The following LRBA variants were observed in gnomAD, a reference collection of about 807,000 sequenced individuals.
The protein encoded by LRBA is lipopolysaccharide-responsive and beige-like anchor protein.
LRBA carries 176 observed loss-of-function variants against 330.0 expected under a neutral mutation model. The observed-to-expected ratio is 0.53, with a 90% CI of 0.47 to 0.60. LRBA has a LOEUF of 0.60. LRBA is among the 20% of genes least tolerant of loss of function. The probability of loss-of-function intolerance (pLI) is 0.00; values close to 1 mark genes in which losing one functional copy is unlikely to be tolerated. For missense variants in LRBA, 3,259 were observed against 3,444.8 expected, an observed-to-expected ratio of 0.95 and a Z score of 1.35; for synonymous variants, 1,230 against 1,193.0, an observed-to-expected ratio of 1.03 and a Z score of -0.64.
chr4:150,328,646 G>A (rs1018991760), intron 48 of LRBA, among the ~76,000 whole-genome samples: 27 of 151,940 alleles, frequency 1.8e-4, no homozygotes, highest in African/African-American at 5.1e-4. Context: ...AAATACATGA[G>A]ACCCAGACAC....
At chr4:150,957,801 C>T (rs969975721) in intron 2 of LRBA, among the ~76,000 whole-genome samples, 1 of 149,064 alleles carries the variant, frequency 6.7e-6, no homozygotes, top group East Asian at 1.9e-4. Flanking sequence ...GCTACAGGTC[C>T]CGTGCAAGTC....
At chr4:150,277,143 AAACTGTCATTCTCAGC>A (rs1293196410) in intron 56 of LRBA, among the ~76,000 whole-genome samples, 1 of 152,166 alleles carries the variant, frequency 6.6e-6, no homozygotes, top group African/African-American at 2.4e-5. Flanking sequence ...ATGAAGCTGG[AAACTGTCATTCTCAGC>A]AAACTAACAC....
chr4:150,416,050 T>G (rs1198745823), intron 46 of LRBA, among the ~76,000 whole-genome samples: 3 of 152,134 alleles, frequency 2.0e-5, no homozygotes, highest in Non-Finnish European at 4.4e-5. Flanking sequence ...TTATTACAGT[T>G]TAGCCATGGT....
At chr4:150,411,659 G>T (rs1270232627) in intron 47 of LRBA, among the ~76,000 whole-genome samples, 2 of 152,140 alleles carry the variant, frequency 1.3e-5, no homozygotes, top group Non-Finnish European at 2.9e-5. Context: ...ATGAGAAGCC[G>T]AAGTATCGTC....
chr4:150,774,867 T>C lies in LRBA; in HGVS notation c.5581-13020A>G, dbSNP rs556541973. Reference sequence around the variant, plus strand: ...TTTTATGATTAAAGTTAGGTATTTGTTCACTTGATCTAGAACTTTTCTGCG... The same window carrying C: ...TTTTATGATTAAAGTTAGGTATTTGCTCACTTGATCTAGAACTTTTCTGCG... On this transcript the variant is annotated intron_variant, in intron 34 of 56. Coordinates refer to ENST00000651943, the MANE Select transcript of LRBA (RefSeq NM_001364905.1). Among the ~76,000 whole-genome samples, 60 of 152,334 alleles carry C rather than the reference T, an allele frequency of 3.9e-4. 1 individual carries two copies. Among genetic ancestry groups the C allele is most frequent in the Non-Finnish European group, 7.8e-4 (53 of 68,028 alleles).
chr4:150,755,856 G>A (rs1473479147), intron 35 of LRBA, among the ~76,000 whole-genome samples: 1 of 150,924 alleles, frequency 6.6e-6, no homozygotes, highest in Non-Finnish European at 1.5e-5. Context: ...TGGGCAACAT[G>A]GCAAAACCCC....
At chr4:150,808,573 AC>A (rs1418827288) in intron 31 of LRBA, among the ~76,000 whole-genome samples, 175 bp from the exon 32 acceptor site, 1 of 152,220 alleles carries the variant, frequency 6.6e-6, no homozygotes, top group African/African-American at 2.4e-5. Flanking sequence ...TCATATATAA[AC>A]CTCAGCTACA....
chr4:151,006,146 A>C (rs1163366594), intron 2 of LRBA, among the ~76,000 whole-genome samples: 4 of 152,160 alleles, frequency 2.6e-5, no homozygotes, highest in Admixed American at 2.0e-4. Flanking sequence ...GTTCGGGACC[A>C]GCCTGGCCAA....
chr4:150,366,296 G>A (rs1205283881), intron 47 of LRBA, among the ~76,000 whole-genome samples: 1 of 151,998 alleles, frequency 6.6e-6, no homozygotes, highest in Non-Finnish European at 1.5e-5. Context: ...CTGAATAAAG[G>A]ACATAACTGT....
intron 47 of LRBA, among the ~76,000 whole-genome samples, chr4:150,389,694 A>G (rs1743625961): frequency 6.6e-6 from 1 of 150,744 alleles, no homozygotes; most frequent in African/African-American, 2.4e-5. Context: ...AAAAAAAAAA[A>G]AAAGAAAGGA....
intron 36 of LRBA, among the ~76,000 whole-genome samples, chr4:150,733,354 T>C (rs891273270): frequency 1.3e-5 from 2 of 152,032 alleles, no homozygotes; most frequent in African/African-American, 4.8e-5. Context: ...AAATTTCCAC[T>C]GAAGTATTTT....
chr4:150,425,017 A>C (rs1293288318), intron 46 of LRBA, among the ~76,000 whole-genome samples: 1 of 152,250 alleles, frequency 6.6e-6, no homozygotes, highest in Non-Finnish European at 1.5e-5. Flanking sequence ...AATACAGCCA[A>C]AATCTTACTG....
At chr4:150,335,385 A>G (rs937837571) in intron 48 of LRBA, among the ~76,000 whole-genome samples, 1 of 150,896 alleles carries the variant, frequency 6.6e-6, no homozygotes, top group Non-Finnish European at 1.5e-5. Context: ...AGCAAAAAAT[A>G]TATGTGTATG....
intron 9 of LRBA, among the ~76,000 whole-genome samples, chr4:150,913,362 G>C (rs988157424): frequency 3.9e-5 from 6 of 152,214 alleles, no homozygotes; most frequent in African/African-American, 1.4e-4. Context: ...AGGTACTTGG[G>C]AGGCTGAGGC....
chr4:150,885,594 C>T (rs907472444), intron 17 of LRBA, among the ~76,000 whole-genome samples: 7 of 152,068 alleles, frequency 4.6e-5, no homozygotes, highest in African/African-American at 1.4e-4. Flanking sequence ...GTACTCCATC[C>T]TGGGTGACAG....
intron 40 of LRBA, among the ~76,000 whole-genome samples, chr4:150,566,642 T>C (rs1769171402): frequency 6.6e-6 from 1 of 152,106 alleles, no homozygotes; most frequent in Admixed American, 6.6e-5. Flanking sequence ...CACATTAAAA[T>C]GTATTTCACT....
intron 36 of LRBA, among the ~76,000 whole-genome samples, chr4:150,685,251 AT>A (rs562729531): frequency 9.4e-5 from 14 of 148,836 alleles, no homozygotes; most frequent in South Asian, 2.1e-4. Flanking sequence ...CTTTTTAAAG[AT>A]TTTTTTTTAA....
At chr4:150,743,544 A>T (rs1732296857) in intron 35 of LRBA, among the ~76,000 whole-genome samples, 1 of 152,216 alleles carries the variant, frequency 6.6e-6, no homozygotes, top group South Asian at 2.1e-4. Flanking sequence ...TTTAATTGCC[A>T]ATAATCTAGA....
In LRBA at chr4:150,663,195, A is replaced by G. The variant is rs151245120; in HGVS notation, c.5921+20356T>C. On this transcript the variant is annotated intron_variant, in intron 37 of 56. Transcript: ENST00000651943. ...ACCTAGCTAAAATAAGTCACGGTTA[A>G]TGAGAATTCTGATTGTCTATAGGGA... 1.8e-3 allele frequency among the ~76,000 whole-genome samples: 270 copies of G among 152,334 alleles called. 5 individuals are homozygous for G. In the East Asian group the frequency reaches 0.035, roughly 19 times the overall value.
Sources: gnomAD v4.1 joint callset for allele counts (sites outside exome capture counted in the v4.1 genomes callset) on GRCh38, gnomAD v4.1.1 for gene constraint, MANE v1.5 for transcripts, NCBI Gene and HGNC (gene_info 2026-07-23, HGNC 2026-07-21) for gene names.